The following TRPC4AP variants were observed in gnomAD, a reference collection of about 807,000 sequenced individuals.
The protein encoded by TRPC4AP is short transient receptor potential channel 4-associated protein.
Under a neutral mutation model 99.0 loss-of-function variants are expected in TRPC4AP, and 45 were observed. The ratio of observed to expected loss-of-function variants is 0.45; its 90% CI spans 0.36 to 0.58. The LOEUF (loss-of-function observed/expected upper bound fraction) is 0.58. TRPC4AP is among the 20% of genes least tolerant of loss of function. The probability of loss-of-function intolerance (pLI) is 0.00; values close to 1 mark genes in which losing one functional copy is unlikely to be tolerated. For missense variants in TRPC4AP, 879 were observed against 985.3 expected (o/e 0.89, Z 1.44); for synonymous variants, 408 against 385.8 (o/e 1.06, Z -0.67).
At chr20:35,006,616 C>T in intron 14 of TRPC4AP, 41 bp from the exon 15 acceptor site, 1 of 1,600,608 alleles carries the variant, frequency 6.2e-7, no homozygotes. Flanking sequence ...AACGTGGCTG[C>T]CCCCACCAGG....
chr20:35,052,831 A>T (rs1455483970), intron 5 of TRPC4AP, among the ~76,000 whole-genome samples: 1 of 152,124 alleles, frequency 6.6e-6, no homozygotes, highest in East Asian at 1.9e-4. Context: ...ACATCTTTAG[A>T]CAGGACATAC....
At chr20:35,066,528 A>C (rs1331014619) in intron 3 of TRPC4AP, among the ~76,000 whole-genome samples, 1 of 152,190 alleles carries the variant, frequency 6.6e-6, no homozygotes, top group African/African-American at 2.4e-5. Flanking sequence ...TGTTCACTTC[A>C]GGTAATGGGG....
chr20:35,077,696 C>T (rs976947942), intron 2 of TRPC4AP, among the ~76,000 whole-genome samples: 5 of 152,162 alleles, frequency 3.3e-5, no homozygotes, highest in African/African-American at 9.7e-5. Context: ...GCCTCTTCCA[C>T]GAGCCTTCAG....
chr20:35,012,873 T>G, intron 11 of TRPC4AP, 135 bp downstream of exon 11: 1 of 837,052 alleles, frequency 1.2e-6, no homozygotes, highest in South Asian at 1.5e-5. Context: ...TCACACCTGC[T>G]AACACTGAGG....
At chr20:35,088,969 G>GC (rs2084962876) in intron 1 of TRPC4AP, among the ~76,000 whole-genome samples, 1 of 152,000 alleles carries the variant, frequency 6.6e-6, no homozygotes, top group Admixed American at 6.6e-5. Context: ...TTTCAGATTT[G>GC]CAAGATGAAA....
intron 2 of TRPC4AP, among the ~76,000 whole-genome samples, chr20:35,075,187 C>T (rs545566325): frequency 8.5e-5 from 13 of 152,114 alleles, no homozygotes; most frequent in African/African-American, 2.7e-4. Context: ...GAATACAGCA[C>T]GCTGATGGGT....
chr20:35,072,999 A>G (rs2084362920), intron 2 of TRPC4AP, among the ~76,000 whole-genome samples: 1 of 152,176 alleles, frequency 6.6e-6, no homozygotes, highest in African/African-American at 2.4e-5. Context: ...GGTCCTTCAC[A>G]TCCCTTGTGA....
Position 35,018,333 on chromosome 20 carries a change from G to A in TRPC4AP, c.1219-2194C>T, listed in dbSNP as rs980641043. Among the ~76,000 whole-genome samples, 9 of 152,210 alleles carry A rather than the reference G, an allele frequency of 5.9e-5. No individual in the cohort carries two copies. In the South Asian group the frequency reaches 1.0e-3, roughly 18 times the overall value. On this transcript the variant is annotated intron_variant, in intron 9 of 18. Transcript: ENST00000252015. The stretch of plus-strand genomic sequence containing the variant: ...TTCTCGGCCGGGCATGGTGGCTCAC[G>A]CCTGTTAATCCCAGCACTTTGGGAG...
At chr20:35,025,068 G>C (rs989411397) in intron 8 of TRPC4AP, among the ~76,000 whole-genome samples, 1 of 152,046 alleles carries the variant, frequency 6.6e-6, no homozygotes, top group Middle Eastern at 3.2e-3. Flanking sequence ...TTCTAAAGTG[G>C]CTGCACTATT....
chr20:35,042,162 G>C (rs1012878470), intron 7 of TRPC4AP, among the ~76,000 whole-genome samples: 3 of 152,142 alleles, frequency 2.0e-5, no homozygotes, highest in Non-Finnish European at 4.4e-5. Context: ...AATCATAAAG[G>C]AGTGGGAAGA....
chr20:35,092,404 C>T (rs2085098072), intron 1 of TRPC4AP, among the ~76,000 whole-genome samples: 1 of 152,252 alleles, frequency 6.6e-6, no homozygotes, highest in African/African-American at 2.4e-5. Context: ...CAGCCCAGCC[C>T]CGCTCGGCCC....
chr20:35,086,479 G>C (rs200642753), intron 1 of TRPC4AP, among the ~76,000 whole-genome samples: 1 of 94,152 alleles, frequency 1.1e-5, no homozygotes, highest in Non-Finnish European at 2.0e-5. Context: ...GTGTGTGTAT[G>C]TGTGTGTATA....
chr20:35,019,288 C>T (rs972344398), intron 9 of TRPC4AP, among the ~76,000 whole-genome samples: 1 of 152,098 alleles, frequency 6.6e-6, no homozygotes, highest in Admixed American at 6.5e-5. Flanking sequence ...TTTTGGGGGG[C>T]CAGGATTTCA....
chr20:35,056,739 G>C (rs1179604717), intron 4 of TRPC4AP, among the ~76,000 whole-genome samples: 2 of 151,896 alleles, frequency 1.3e-5, no homozygotes, highest in Admixed American at 1.3e-4. Context: ...CCAGCACTTG[G>C]GAGGCTGAGG....
chr20:35,052,070 T>C (rs890530480), intron 5 of TRPC4AP, among the ~76,000 whole-genome samples: 3 of 151,706 alleles, frequency 2.0e-5, no homozygotes, highest in African/African-American at 7.3e-5. Flanking sequence ...GTTTTTTCCA[T>C]GTAACATTCA....
chr20:35,004,616 G>A (rs2082478851), intron 16 of TRPC4AP, 46 bp from the exon 17 acceptor site: 4 of 1,563,090 alleles, frequency 2.6e-6, no homozygotes, highest in African/African-American at 2.7e-5. Flanking sequence ...TAGGCCCAGT[G>A]GCTGGGTCGC....
intron 13 of TRPC4AP, among the ~76,000 whole-genome samples, chr20:35,008,256 G>C (rs577353420): frequency 1.3e-5 from 2 of 152,324 alleles, no homozygotes; most frequent in African/African-American, 4.8e-5. Context: ...CCTCAGAGAA[G>C]GTCTCCCTGT....
chr20:35,008,115 G>A (rs182540096), intron 13 of TRPC4AP, among the ~76,000 whole-genome samples: 36 of 152,326 alleles, frequency 2.4e-4, no homozygotes, highest in Admixed American at 5.2e-4. Context: ...ATCCACGACA[G>A]GGAGTTTGGA....
chr20:35,038,731 T>C (rs888780565), intron 7 of TRPC4AP, among the ~76,000 whole-genome samples: 1 of 151,656 alleles, frequency 6.6e-6, no homozygotes, highest in African/African-American at 2.4e-5. Context: ...CTGCTGTACT[T>C]TTTGTATCAT....
Sources: allele counts gnomAD v4.1 joint callset (sites outside exome capture counted in the v4.1 genomes callset), GRCh38; gene constraint gnomAD v4.1.1; transcripts MANE v1.5; gene names NCBI Gene and HGNC (gene_info 2026-07-23, HGNC 2026-07-21).